PTGER3: variants seen among roughly 807,000 people sequenced by gnomAD.
PTGER3 encodes prostaglandin E2 receptor EP3 subtype.
PTGER3 carries 22 observed loss-of-function variants against 34.7 expected under a neutral mutation model. The ratio of observed to expected loss-of-function variants is 0.63; its 90% CI spans 0.45 to 0.91. PTGER3 has a LOEUF of 0.91. PTGER3 is among the 40% of genes least tolerant of loss of function. The pLI is 0.00. For missense variants in PTGER3, 468 were observed against 519.4 expected (o/e 0.90, Z 0.96); for synonymous variants, 241 against 230.1 (o/e 1.05, Z -0.43).
At chr1:70,914,556 A>G (rs1647132735) in intron 4 of PTGER3, among the ~76,000 whole-genome samples, 1 of 151,950 alleles carries the variant, frequency 6.6e-6, no homozygotes, top group East Asian at 1.9e-4. Flanking sequence ...CTCTTCTCAT[A>G]AAACTTGTCA....
Position 70,900,469 on chromosome 1 carries a change from G to A in PTGER3, c.*24-47610C>T, listed in dbSNP as rs1032618484. Among the ~76,000 whole-genome samples, 6 of 152,250 alleles carry A rather than the reference G, an allele frequency of 3.9e-5. No individual in the cohort carries two copies. In the East Asian group the frequency reaches 1.2e-3, roughly 29 times the overall value. On this transcript the variant is annotated intron_variant, in intron 4 of 4. Transcript: ENST00000370931. Reference sequence around the variant, plus strand: ...ATGGGAAATGTAGATTGAACTCCTAGAGACTATTTCAGTATGCTTTTATAT... The same window carrying A: ...ATGGGAAATGTAGATTGAACTCCTAAAGACTATTTCAGTATGCTTTTATAT...
chr1:70,872,173 G>A (rs377495457), intron 4 of PTGER3, among the ~76,000 whole-genome samples: 64 of 152,254 alleles, frequency 4.2e-4, no homozygotes, highest in African/African-American at 1.4e-3. Context: ...TATTGGACAC[G>A]TTGATCTGAA....
intron 3 of PTGER3, among the ~76,000 whole-genome samples, chr1:70,972,394 T>A (rs373219046): frequency 1.3e-5 from 2 of 152,300 alleles, no homozygotes; most frequent in South Asian, 4.1e-4. Flanking sequence ...TGCCAATTAG[T>A]ATAAAGCAAA....
chr1:70,953,801 T>A (rs1387642043), intron 2 of PTGER3: 7 of 1,277,676 alleles, frequency 5.5e-6, no homozygotes, highest in Middle Eastern at 1.9e-4. Context: ...TGAAAAAGAG[T>A]AATAACAGTA....
intron 4 of PTGER3, among the ~76,000 whole-genome samples, chr1:70,930,689 A>G (rs1648599814): frequency 6.6e-6 from 1 of 152,168 alleles, no homozygotes; most frequent in African/African-American, 2.4e-5. Context: ...TGATAAACCC[A>G]TCAGATCTCA....
chr1:70,947,231 C>T (rs1247991457), intron 4 of PTGER3: 3 of 152,274 alleles, frequency 2.0e-5, no homozygotes, highest in East Asian at 3.9e-4. Flanking sequence ...ACCCAAATTT[C>T]AACTTGAATT....
chr1:70,855,011 G>A (rs1056886718), intron 4 of PTGER3, among the ~76,000 whole-genome samples: 2 of 152,104 alleles, frequency 1.3e-5, no homozygotes, highest in Non-Finnish European at 2.9e-5. Flanking sequence ...TCTTGATGAC[G>A]TATTTTCATA....
intron 2 of PTGER3, among the ~76,000 whole-genome samples, chr1:70,997,849 T>C (rs966470244): frequency 3.9e-5 from 6 of 152,326 alleles, no homozygotes; most frequent in African/African-American, 1.4e-4. Context: ...AGTATGACTG[T>C]TTTGAGACAT....
At chr1:70,991,546 A>G (rs1017769096) in intron 2 of PTGER3, among the ~76,000 whole-genome samples, 6 of 152,182 alleles carry the variant, frequency 3.9e-5, no homozygotes, top group African/African-American at 1.4e-4. Flanking sequence ...CTTTCTGGGA[A>G]CTGCAGGGAG....
chr1:71,046,296 A>AAC (rs1553181253), intron 1 of PTGER3, among the ~76,000 whole-genome samples: 1 of 151,240 alleles, frequency 6.6e-6, no homozygotes, highest in Non-Finnish European at 1.5e-5. Flanking sequence ...AAAAAAAAAA[A>AAC]AAAAAAAAAA....
At chr1:70,865,934 A>G in intron 4 of PTGER3, 1 of 610,862 alleles carries the variant, frequency 1.6e-6, no homozygotes, top group East Asian at 6.7e-5. Context: ...CTGGACTGTC[A>G]TCCGGGAAAT....
intron 1 of PTGER3, among the ~76,000 whole-genome samples, chr1:71,035,287 A>T (rs1310839835): frequency 6.6e-6 from 1 of 152,210 alleles, no homozygotes; most frequent in African/African-American, 2.4e-5. Flanking sequence ...TAAGCAATCT[A>T]CTTATGTGTT....
intron 4 of PTGER3, among the ~76,000 whole-genome samples, chr1:70,859,371 A>G (rs778442936): frequency 6.6e-6 from 1 of 152,158 alleles, no homozygotes; most frequent in South Asian, 2.1e-4. Flanking sequence ...TAGTGTCTTT[A>G]TGGTGCCTAG....
intron 2 of PTGER3, among the ~76,000 whole-genome samples, chr1:71,001,181 A>T (rs1656449399): frequency 6.6e-6 from 1 of 151,128 alleles, no homozygotes; most frequent in African/African-American, 2.4e-5. Context: ...GTATTTTAAT[A>T]AAAATTTATG....
At position 70,997,935 on chromosome 1, in the gene PTGER3, A is replaced by C. The variant is rs141598428; in HGVS notation, c.1077+14370T>G. Reference sequence around the variant, plus strand: ...TCCATCCATCTACAGCAAACTCCCTAGTGGTTTTCTGGTATGTGCTTGAAT... The same window carrying C: ...TCCATCCATCTACAGCAAACTCCCTCGTGGTTTTCTGGTATGTGCTTGAAT... On this transcript the variant is annotated intron_variant, in intron 2 of 3. Coordinates refer to ENST00000306666, the MANE Select transcript of PTGER3 (RefSeq NM_198719.2). Among the ~76,000 whole-genome samples the C allele has an allele frequency of 2.9e-3, 448 of 152,312 alleles. 4 individuals carry two copies. Among genetic ancestry groups the C allele is most frequent in the African/African-American group, 0.01 (419 of 41,568 alleles).
intron 2 of PTGER3, among the ~76,000 whole-genome samples, chr1:70,998,877 A>G (rs2100803983): frequency 6.6e-6 from 1 of 152,262 alleles, no homozygotes; most frequent in East Asian, 1.9e-4. Flanking sequence ...GTGGATAAGT[A>G]CCATATTTAA....
chr1:70,915,067 T>G (rs17090678), intron 4 of PTGER3, among the ~76,000 whole-genome samples: 1 of 151,914 alleles, frequency 6.6e-6, no homozygotes, highest in Non-Finnish European at 1.5e-5. Context: ...TTAACCTCTT[T>G]GGGACTTCTT....
chr1:70,998,081 C>G lies in PTGER3; in HGVS notation c.1077+14224G>C, dbSNP rs1557726616. ...TCTCTCTGTAGCTTCTTAGTCCGCC[C>G]TTCAGGGCATATGAAATAAATCTCT... is the stretch of plus-strand genomic sequence containing the variant. On this transcript the variant is annotated intron_variant, in intron 2 of 3. Coordinates refer to ENST00000306666, the MANE Select transcript of PTGER3 (RefSeq NM_198719.2). Among the ~76,000 whole-genome samples, 3 of 152,232 alleles carry G rather than the reference C, an allele frequency of 2.0e-5. No homozygotes were observed. In the South Asian group the frequency reaches 6.2e-4, roughly 31 times the overall value.
Position 70,956,550 on chromosome 1 carries a change from T to A in PTGER3, c.1078-2761A>T, listed in dbSNP as rs544819930. On this transcript the variant is annotated intron_variant, in intron 2 of 3. Coordinates refer to the PTGER3 transcript ENST00000356595. The stretch of plus-strand genomic sequence containing the variant: ...CACAACGTAAAGGTCAGGATAAGAC[T>A]AACAATACAAGCATTAGAAACAACA... Among the ~76,000 whole-genome samples, 31 of 152,216 alleles carry A rather than the reference T, an allele frequency of 2.0e-4. No homozygotes were observed. The South Asian group carries it at 5.8e-3, about 29-fold the overall frequency.
Sources: gnomAD v4.1 joint callset for allele counts (sites outside exome capture counted in the v4.1 genomes callset) on GRCh38, gnomAD v4.1.1 for gene constraint, MANE v1.5 for transcripts, NCBI Gene and HGNC (gene_info 2026-07-23, HGNC 2026-07-21) for gene names.